CFAP74: variants seen among roughly 807,000 people sequenced by gnomAD.
CFAP74 encodes cilia- and flagella-associated protein 74.
In CFAP74, 124 loss-of-function variants were observed where a neutral mutation model predicts 188.9. The ratio of observed to expected loss-of-function variants is 0.66; its 90% CI spans 0.57 to 0.76. CFAP74 has a LOEUF of 0.76. CFAP74 is among the 30% of genes least tolerant of loss of function. The probability of loss-of-function intolerance (pLI) is 0.00; values close to 1 mark genes in which losing one functional copy is unlikely to be tolerated. For missense variants in CFAP74, 2,198 were observed against 2,165.2 expected, an observed-to-expected ratio of 1.02 and a Z score of -0.30; for synonymous variants, 956 against 916.7, an observed-to-expected ratio of 1.04 and a Z score of -0.77.
chr1:1,997,736 C>T (rs928161650), intron 1 of CFAP74, among the ~76,000 whole-genome samples: 1 of 152,052 alleles, frequency 6.6e-6, no homozygotes, highest in Non-Finnish European at 1.5e-5. Context: ...GGAACCCCCT[C>T]GGGCAGCATG....
intron 9 of CFAP74, among the ~76,000 whole-genome samples, chr1:1,971,073 C>A (rs1278988145): frequency 6.8e-6 from 1 of 146,884 alleles, no homozygotes; most frequent in African/African-American, 2.6e-5. Flanking sequence ...ACACGCACAC[C>A]TGCACACACT....
chr1:1,938,770 C>T, intron 25 of CFAP74, 85 bp downstream of exon 25: 2 of 1,442,028 alleles, frequency 1.4e-6, no homozygotes, highest in South Asian at 1.3e-5. Context: ...GGGTCAGGGG[C>T]GGGGATGTGG....
chr1:1,946,935 A>G lies in CFAP74; in HGVS notation c.2241+55T>C, dbSNP rs930980750. 5.9e-6 allele frequency: 8 copies of G among 1,353,538 alleles called. No individual in the cohort carries two copies. In the African/African-American group the frequency reaches 1.0e-4, roughly 17 times the overall value. 83.8% of individuals were successfully genotyped at this position (1,353,538 alleles called of 1,614,324 possible). ...GTTGGGGTGCAGCTGGGGCTGGGGG[A>G]AGGTGGGCGGTGTCTTGGATCGTGG... On this transcript the variant is annotated intron_variant, in intron 19 of 38. Transcript: ENST00000682832.
In CFAP74 at chr1:1,972,952, T is replaced by G. The variant is rs1489975447; in HGVS notation, c.770A>C (p.Lys257Thr). The G allele has an allele frequency of 6.2e-7, 1 of 1,613,646 alleles. No individual in the cohort carries two copies. The highest frequency in any genetic ancestry group is 8.5e-7 in the Non-Finnish European group (1 of 1,179,814). ...GAGGCCCTACCTTCCCAGGGAGGCCTTCAGGAACCGCACGGCAACCTTGTG... is the reference window on the plus strand; with the variant it reads ...GAGGCCCTACCTTCCCAGGGAGGCCGTCAGGAACCGCACGGCAACCTTGTG... Reference protein sequence around the residue: ...KNHKVAVRFLKASLGRIREQE... With the variant: ...KNHKVAVRFLTASLGRIREQE... Residue 257 changes from lysine to threonine, a missense_variant, in exon 8 of 39, where the codon AAG becomes ACG. By Grantham distance (78) the Lys-to-Thr change is moderately conservative. Transcript: ENST00000682832.
At chr1:1,970,166 C>T (rs1558040430) in intron 10 of CFAP74, among the ~76,000 whole-genome samples, 1 of 152,194 alleles carries the variant, frequency 6.6e-6, no homozygotes, top group South Asian at 2.1e-4. Flanking sequence ...TCACCACGGA[C>T]CCAAGCTGGC....
intron 18 of CFAP74, among the ~76,000 whole-genome samples, chr1:1,949,774 TAC>T (rs1654092367): frequency 6.6e-6 from 1 of 152,192 alleles, no homozygotes; most frequent in Non-Finnish European, 1.5e-5. Flanking sequence ...TCACAGAGCT[TAC>T]AGTCTTTTGC....
chr1:1,925,539 AAGG>A (rs1651815487), intron 33 of CFAP74, among the ~76,000 whole-genome samples: 1 of 152,130 alleles, frequency 6.6e-6, no homozygotes. Context: ...AAAGAGCGCC[AAGG>A]AGGACAGGGA....
At chr1:1,980,467 A>C (rs1656764384) in intron 6 of CFAP74, among the ~76,000 whole-genome samples, 1 of 146,292 alleles carries the variant, frequency 6.8e-6, no homozygotes, top group Non-Finnish European at 1.5e-5. Flanking sequence ...GACTGTATCT[A>C]AGCCACCGGC....
intron 18 of CFAP74, among the ~76,000 whole-genome samples, chr1:1,947,993 C>G (rs576681842): frequency 3.0e-4 from 45 of 152,306 alleles, no homozygotes; most frequent in African/African-American, 1.0e-3. Flanking sequence ...CTGCCTCAGC[C>G]TTCCGAGTAG....
intron 15 of CFAP74, 65 bp from the exon 16 acceptor site, chr1:1,959,274 T>C (rs1380944983): frequency 3.3e-6 from 4 of 1,194,436 alleles, no homozygotes; most frequent in South Asian, 2.5e-5. Context: ...TGTTTTTTTT[T>C]TGGACAGGGT....
Position 1,922,222 on chromosome 1 carries a change from G to C in CFAP74, c.*65C>G. On this transcript the variant is annotated 3_prime_UTR_variant, in exon 39 of 39. Transcript: ENST00000682832. Reference sequence around the variant, plus strand: ...CCCAGGCTCTAGGGTAGTATGACCTGGCCCTCAGCCTGGGGAGGGCTTTGA... The same window carrying C: ...CCCAGGCTCTAGGGTAGTATGACCTCGCCCTCAGCCTGGGGAGGGCTTTGA... 1 of 1,220,274 alleles carries C rather than the reference G, an allele frequency of 8.2e-7. No homozygotes were observed. Among genetic ancestry groups the C allele is most frequent in the Non-Finnish European group, 1.2e-6 (1 of 837,120 alleles). 75.6% of individuals were successfully genotyped at this position (1,220,274 alleles called of 1,614,324 possible).
At chr1:1,925,386 C>G (rs1651802439) in intron 33 of CFAP74, among the ~76,000 whole-genome samples, 1 of 152,034 alleles carries the variant, frequency 6.6e-6, no homozygotes, top group South Asian at 2.1e-4. Flanking sequence ...TGAGAGCACG[C>G]AGGGCAGTGC....
chr1:1,928,680 T>C (rs1054210531), intron 27 of CFAP74, 104 bp downstream of exon 27: 1 of 782,642 alleles, frequency 1.3e-6, no homozygotes, highest in Admixed American at 2.4e-5. Context: ...TACCCTGTGC[T>C]CCCGGCACGT....
chr1:1,976,131 C>T (rs999776368), intron 6 of CFAP74, among the ~76,000 whole-genome samples: 1 of 152,186 alleles, frequency 6.6e-6, no homozygotes, highest in African/African-American at 2.4e-5. Flanking sequence ...CACTAATCGC[C>T]CCCACGAGGG....
At chr1:1,954,916 AAC>A in intron 18 of CFAP74, 2 of 1,181,270 alleles carry the variant, frequency 1.7e-6, no homozygotes, top group Non-Finnish European at 2.1e-6. Context: ...CGGCCTTCGC[AAC>A]AGTGTGTACC....
At chr1:1,988,999 A>T in intron 2 of CFAP74, 26 bp from the exon 3 acceptor site, 1 of 1,164,352 alleles carries the variant, frequency 8.6e-7, no homozygotes, top group Non-Finnish European at 1.2e-6. Flanking sequence ...AGAGTTTAAA[A>T]AAAAAAAAAA....
At chr1:1,994,249 C>A (rs542619344) in intron 1 of CFAP74, among the ~76,000 whole-genome samples, 1 of 148,806 alleles carries the variant, frequency 6.7e-6, no homozygotes, top group African/African-American at 2.5e-5. Context: ...GGAATTAGCA[C>A]TACCATTTTG....
rs1302161070 is a variant in CFAP74 at position 1,968,815 on chromosome 1, C to T, written c.1065G>A (p.Gln355=). The change falls in exon 11 of 39, where the codon CAG becomes CAA. Residue 355 remains glutamine (Q), a synonymous_variant. Coordinates refer to ENST00000682832, the MANE Select transcript of CFAP74 (RefSeq NM_001304360.2). The surrounding 1 kb of genome is among the most constrained non-coding windows in gnomAD (Gnocchi z 4.3). ...TGATGATCTCCTGCTTTCTGAGCTT[C>T]TGCTCCTCCTCAAAGGCCCTGCGTG... The part of the protein sequence containing the change: ...EAQKRAFEEE[Q]KLRKQEIISR... 1 of 1,614,076 alleles carries T rather than the reference C, an allele frequency of 6.2e-7. No homozygotes were observed. Among genetic ancestry groups the T allele is most frequent in the Non-Finnish European group, 8.5e-7 (1 of 1,179,970 alleles).
rs905266517 is a variant in CFAP74, at chr1:1,942,244, G to T, written c.2487-88C>A. 17 of 1,313,666 alleles carry T rather than the reference G, an allele frequency of 1.3e-5. No individual in the cohort carries two copies. The highest frequency in any genetic ancestry group is 2.0e-4 in the Middle Eastern group (1 of 4,986). The allele number at this position is 1,313,666 out of a possible 1,614,324, so 81.4% of individuals were successfully genotyped here. A position where few individuals can be genotyped will look rare whatever the true frequency, so the allele number is the denominator to read the frequency against. Reference sequence around the variant, plus strand: ...GCCTGGAGTTATTAAAACATTTCTGGCACCCAAGCCCCCGAGAGGTGCTCA... The same window carrying T: ...GCCTGGAGTTATTAAAACATTTCTGTCACCCAAGCCCCCGAGAGGTGCTCA... On this transcript the variant is annotated intron_variant, in intron 21 of 38. Coordinates refer to ENST00000682832, the MANE Select transcript of CFAP74 (RefSeq NM_001304360.2). The surrounding 1 kb of genome is among the most constrained non-coding windows in gnomAD (Gnocchi z 4.3).
Sources: allele counts gnomAD v4.1 joint callset (sites outside exome capture counted in the v4.1 genomes callset), GRCh38; gene constraint gnomAD v4.1.1; non-coding constraint Gnocchi (gnomAD v3.1); transcripts MANE v1.5; gene names NCBI Gene and HGNC (gene_info 2026-07-23, HGNC 2026-07-21).